The following TUBB6 variants were observed in gnomAD, a reference collection of about 807,000 sequenced individuals.
TUBB6 encodes the protein tubulin beta-6 chain.
Under a neutral mutation model 32.3 loss-of-function variants are expected in TUBB6, and 18 were observed. That is an observed-to-expected ratio of 0.56 (90% CI 0.39 to 0.83). The LOEUF is 0.83. TUBB6 is among the 40% of genes least tolerant of loss of function. TUBB6 has a pLI of 0.00. For synonymous variants in TUBB6, 280 were observed against 265.8 expected (o/e 1.05, Z -0.52); for missense variants, 480 against 632.0 (o/e 0.76, Z 2.58).
chr18:12,309,133 T>A (rs1299199067), intron 2 of TUBB6, among the ~76,000 whole-genome samples: 3 of 151,800 alleles, frequency 2.0e-5, no homozygotes, highest in Non-Finnish European at 4.4e-5. Context: ...GGAGGATCAT[T>A]TGGGGCCAGG....
At chr18:12,308,415 G>A in intron 1 of TUBB6, 66 bp downstream of exon 1, 1 of 1,222,734 alleles carries the variant, frequency 8.2e-7, no homozygotes. Flanking sequence ...GTCTCCCGGC[G>A]CGACCCCCGC....
Position 12,326,060 on chromosome 18 carries a change from A to G in TUBB6, c.1271A>G (p.Gln424Arg). The G allele has an allele frequency of 6.2e-7, 1 of 1,614,216 alleles. No individual in the cohort carries two copies. The highest frequency in any genetic ancestry group is 8.5e-7 in the Non-Finnish European group (1 of 1,180,050). The change falls in exon 4 of 4, where the codon CAG (glutamine) becomes CGG (arginine). Residue 424 changes from glutamine (Q) to arginine (R), a missense_variant. Transcript: ENST00000317702. ...NMNDLVSEYQ[Q>R]YQDATANDGE... is the part of the protein sequence containing the mutation. ...AACGACCTGGTATCCGAGTACCAGC[A>G]GTACCAGGATGCCACCGCCAATGAC...
Position 12,311,042 on chromosome 18 carries a change from A to G in TUBB6, c.266A>G (p.Asn89Ser), listed in dbSNP as rs147537236. 28 of 1,612,658 alleles carry G rather than the reference A, an allele frequency of 1.7e-5. No homozygotes were observed. Among genetic ancestry groups the G allele is most frequent in the Middle Eastern group, 1.7e-4 (1 of 6,056 alleles). Residue 89 changes from asparagine to serine, a missense_variant, in exon 3 of 4, where the codon AAC becomes AGC. Asn to Ser is a conservative substitution (Grantham distance 46). Coordinates refer to ENST00000317702, the MANE Select transcript of TUBB6 (RefSeq NM_032525.3). ...TTTGGGCAGCTTTTCCGGCCTGACA[A>G]CTTCATCTTTGGTAGGTTCCATCTT... Reference protein sequence around the residue: ...GPFGQLFRPDNFIFGQTGAGN... With the variant: ...GPFGQLFRPDSFIFGQTGAGN...
Position 12,325,161 on chromosome 18 carries a change from C to A in TUBB6, c.372C>A (p.Cys124Ter). Reference protein sequence around the residue: ...DAVLDVVRKECEHCDCLQGFQ... With the variant: ...DAVLDVVRKE Reference sequence around the variant, plus strand: ...TGCTGGACGTGGTGCGGAAGGAGTGCGAGCACTGCGACTGCCTGCAGGGCT... The same window carrying A: ...TGCTGGACGTGGTGCGGAAGGAGTGAGAGCACTGCGACTGCCTGCAGGGCT... The change falls in exon 4 of 4, where the codon TGC (cysteine) becomes TGA (stop). Residue 124 changes from cysteine (C) to a stop codon, truncating the protein, a stop_gained. Coordinates refer to ENST00000317702, the MANE Select transcript of TUBB6 (RefSeq NM_032525.3). LOFTEE classifies it high-confidence loss of function. 6.2e-7 allele frequency: 1 copy of A among 1,613,610 alleles called. No individual in the cohort carries two copies. The highest frequency in any genetic ancestry group is 8.5e-7 in the Non-Finnish European group (1 of 1,179,738).
intron 2 of TUBB6, among the ~76,000 whole-genome samples, chr18:12,309,321 C>A (rs748964733): frequency 6.6e-6 from 1 of 151,434 alleles, no homozygotes; most frequent in Non-Finnish European, 1.5e-5. Context: ...CCACTGCACT[C>A]CAGCCTGGGT....
At chr18:12,320,505 C>T (rs1906932185) in intron 3 of TUBB6, 1 of 152,102 alleles carries the variant, frequency 6.6e-6, no homozygotes, top group African/African-American at 2.4e-5. Flanking sequence ...CTACCCCGAA[C>T]TAGTGTTAAG....
chr18:12,316,407 A>G (rs1454669212), intron 3 of TUBB6, among the ~76,000 whole-genome samples: 1 of 152,262 alleles, frequency 6.6e-6, no homozygotes, highest in Non-Finnish European at 1.5e-5. Context: ...TAAGCCTTCA[A>G]AAATGTTAGA....
At chr18:12,315,111 C>T (rs1345719264) in intron 3 of TUBB6, among the ~76,000 whole-genome samples, 1 of 152,064 alleles carries the variant, frequency 6.6e-6, no homozygotes, top group African/African-American at 2.4e-5. Context: ...TGCTGACTCT[C>T]ATTATTGTAA....
intron 2 of TUBB6, among the ~76,000 whole-genome samples, chr18:12,310,715 C>T (rs1161040926): frequency 6.6e-6 from 1 of 152,128 alleles, no homozygotes; most frequent in East Asian, 1.9e-4. Context: ...TCTTGAACTC[C>T]TGGGCTCAAG....
downstream of TUBB6, chr18:12,329,195 CAAAG>C: frequency 1.4e-6 from 1 of 702,982 alleles, no homozygotes. Context: ...GAGTGGGCGA[CAAAG>C]AGAAAGCATC....
chr18:12,325,267 C>G lies in TUBB6; in HGVS notation c.478C>G (p.Pro160Ala). The change falls in exon 4 of 4, where the codon CCG becomes GCG. Residue 160 changes from proline to alanine, a missense_variant. Pro to Ala is a conservative substitution (Grantham distance 27, BLOSUM62 -1). Transcript: ENST00000317702. Reference protein sequence around the residue: ...LLISKIREEFPDRIMNTFSVM... With the variant: ...LLISKIREEFADRIMNTFSVM... Reference sequence around the variant, plus strand: ...CATCAGCAAGATCCGTGAGGAGTTCCCGGACCGCATCATGAACACCTTCAG... The same window carrying G: ...CATCAGCAAGATCCGTGAGGAGTTCGCGGACCGCATCATGAACACCTTCAG... 1 of 1,614,218 alleles carries G rather than the reference C, an allele frequency of 6.2e-7. No individual in the cohort carries two copies. The highest frequency in any genetic ancestry group is 8.5e-7 in the Non-Finnish European group (1 of 1,180,034).
Position 12,325,692 on chromosome 18 carries a change from C to A in TUBB6, c.903C>A (p.Ala301=). 1 of 1,614,068 alleles carries A rather than the reference C, an allele frequency of 6.2e-7. No individual in the cohort carries two copies. Among genetic ancestry groups the A allele is most frequent in the Non-Finnish European group, 8.5e-7 (1 of 1,180,000 alleles). Residue 301 remains alanine, a synonymous_variant, in exon 4 of 4, where the codon GCC becomes GCA. Transcript: ENST00000317702. ...TGTTCGACGCCAGGAACATGATGGC[C>A]GCCTGCGATCCGCGCCATGGCCGCT... ...QQMFDARNMM[A]ACDPRHGRYL...
At chr18:12,324,634 A>T (rs1406122416) in intron 3 of TUBB6, among the ~76,000 whole-genome samples, 1 of 151,904 alleles carries the variant, frequency 6.6e-6, no homozygotes, top group African/African-American at 2.4e-5. Context: ...TATTTTCAGT[A>T]GAGATGGGGT....
At chr18:12,327,291 C>T (rs1457421162), downstream of TUBB6, among the ~76,000 whole-genome samples, 2 of 152,224 alleles carry the variant, frequency 1.3e-5, no homozygotes, top group Non-Finnish European at 2.9e-5. Context: ...CCATCCTGGG[C>T]AGAGCCCACT....
At chr18:12,322,960 G>T (rs574307207) in intron 3 of TUBB6, among the ~76,000 whole-genome samples, 12 of 151,980 alleles carry the variant, frequency 7.9e-5, no homozygotes, top group Non-Finnish European at 1.6e-4. Context: ...ATTGTTTCCA[G>T]AAATTAAAAT....
At chr18:12,327,423 C>T (rs1216734306), downstream of TUBB6, among the ~76,000 whole-genome samples, 1 of 152,256 alleles carries the variant, frequency 6.6e-6, no homozygotes, top group Non-Finnish European at 1.5e-5. Context: ...CCAGGCCTTA[C>T]ATTGACTAGC....
chr18:12,329,357 A>C, downstream of TUBB6: 1 of 673,804 alleles, frequency 1.5e-6, no homozygotes, highest in Non-Finnish European at 2.7e-6. Flanking sequence ...GACAGTGTGC[A>C]TTTCCCTCAA....
chr18:12,329,414 A>C, downstream of TUBB6: 1 of 842,520 alleles, frequency 1.2e-6, no homozygotes, highest in South Asian at 1.4e-5. Flanking sequence ...CTGAGGCTGA[A>C]AGGACTAAGG....
chr18:12,313,213 C>T (rs138668520), intron 3 of TUBB6, among the ~76,000 whole-genome samples: 12 of 152,182 alleles, frequency 7.9e-5, no homozygotes, highest in African/African-American at 2.6e-4. Context: ...ACAATTATTC[C>T]ATGTTCTGAA....
Sources: gnomAD v4.1 joint callset for allele counts (sites outside exome capture counted in the v4.1 genomes callset) on GRCh38, gnomAD v4.1.1 for gene constraint, MANE v1.5 for transcripts, NCBI Gene and HGNC (gene_info 2026-07-23, HGNC 2026-07-21) for gene names.